Variants in ADAMTSL1 observed in about 807,000 individuals in gnomAD.
ADAMTSL1 encodes ADAMTS-like protein 1.
Under a neutral mutation model 201.8 loss-of-function variants are expected in ADAMTSL1, and 126 were observed. The ratio of observed to expected loss-of-function variants is 0.62; its 90% CI spans 0.54 to 0.72. The LOEUF is 0.72. Among genes scored for constraint, ADAMTSL1 ranks in the 30% least tolerant of loss-of-function variants. The pLI, the probability that ADAMTSL1 is intolerant of heterozygous loss-of-function variation, is 0.00. For synonymous variants in ADAMTSL1, 1,121 were observed against 903.4 expected, an observed-to-expected ratio of 1.24 and a Z score of -4.32; for missense variants, 2,679 against 2,277.8, an observed-to-expected ratio of 1.18 and a Z score of -3.59.
chr9:17,940,039 G>A (rs7029738), intron 1 of ADAMTSL1, among the ~76,000 whole-genome samples: 32,547 of 151,878 alleles, frequency 0.21, 3,651 homozygotes, highest in Middle Eastern at 0.27. Context: ...TGTATTGGGG[G>A]GAGGATGAAA....
chr9:18,261,405 G>A (rs1402316692), intron 2 of ADAMTSL1, among the ~76,000 whole-genome samples: 2 of 152,162 alleles, frequency 1.3e-5, no homozygotes, highest in Non-Finnish European at 2.9e-5. Flanking sequence ...CCATCTGACA[G>A]CTGCATTAGG....
At position 18,908,643 on chromosome 9, in the gene ADAMTSL1, A is replaced by C; in HGVS notation, c.*95A>C. 2 of 1,011,746 alleles carry C rather than the reference A, an allele frequency of 2.0e-6. No individual in the cohort carries two copies. Among genetic ancestry groups the C allele is most frequent in the Middle Eastern group, 4.3e-4 (2 of 4,624 alleles). 62.7% of individuals were successfully genotyped at this position (1,011,746 alleles called of 1,614,324 possible). A position where few individuals can be genotyped will look rare whatever the true frequency, so the allele number is the denominator to read the frequency against. On this transcript the variant is annotated 3_prime_UTR_variant, in exon 29 of 29. Transcript: ENST00000380548. ...TAAGCTTTCTTCATTTTATTTATTT[A>C]TTTCCCCCTCCCCACTCCACACACA...
rs540846535 is a variant in ADAMTSL1, at chr9:18,210,507, A to G, written c.207+46526A>G. ...AATAAATATATATTAATTATATATG[A>G]TATATATTAATAAATATATATATTA... On this transcript the variant is annotated intron_variant, in intron 2 of 29. Coordinates refer to the ADAMTSL1 transcript ENST00000680146. Among the ~76,000 whole-genome samples, 799 of 146,956 alleles carry G rather than the reference A, an allele frequency of 5.4e-3. 13 individuals are homozygous for G. Among genetic ancestry groups the G allele is most frequent in the African/African-American group, 0.018 (746 of 40,654 alleles).
intron 1 of ADAMTSL1, among the ~76,000 whole-genome samples, chr9:17,997,445 G>C (rs1819429704): frequency 6.6e-6 from 1 of 152,044 alleles, no homozygotes; most frequent in Non-Finnish European, 1.5e-5. Flanking sequence ...GAGAACATTT[G>C]TCACTCCTAA....
At chr9:18,018,509 A>C (rs1820350555) in intron 1 of ADAMTSL1, among the ~76,000 whole-genome samples, 1 of 152,102 alleles carries the variant, frequency 6.6e-6, no homozygotes, top group African/African-American at 2.4e-5. Flanking sequence ...TAGATTATAA[A>C]AGGCTGTGGT....
intron 14 of ADAMTSL1, chr9:18,718,644 C>T (rs973911431): frequency 2.8e-5 from 10 of 358,608 alleles, no homozygotes; most frequent in Non-Finnish European, 4.4e-5. Flanking sequence ...CTGCCGCCGC[C>T]GCTCCAGCTG....
chr9:18,200,872 T>C (rs886985452), intron 2 of ADAMTSL1, among the ~76,000 whole-genome samples: 2 of 151,976 alleles, frequency 1.3e-5, no homozygotes, highest in Non-Finnish European at 2.9e-5. Context: ...GAAAAAGTCA[T>C]GATGACCTCT....
At chr9:18,854,237 C>G (rs188414676) in intron 23 of ADAMTSL1, among the ~76,000 whole-genome samples, 1 of 152,030 alleles carries the variant, frequency 6.6e-6, no homozygotes. Context: ...CACATATGCA[C>G]GCACACACAC....
At chr9:18,105,280 A>G (rs1189400268) in intron 1 of ADAMTSL1, among the ~76,000 whole-genome samples, 3 of 152,140 alleles carry the variant, frequency 2.0e-5, no homozygotes, top group African/African-American at 7.2e-5. Context: ...CCTGATTGCT[A>G]TGGATAATCA....
chr9:18,300,621 C>T (rs1029457232), intron 2 of ADAMTSL1, among the ~76,000 whole-genome samples: 4 of 152,088 alleles, frequency 2.6e-5, no homozygotes, highest in Admixed American at 1.3e-4. Context: ...AACAAACAAA[C>T]AACTCCAAGT....
Position 18,089,267 on chromosome 9 carries a change from A to G in ADAMTSL1, c.88-74595A>G, listed in dbSNP as rs1221430270. ...TAAAGAAAAGTGGCACATATATACC[A>G]TGGAATACTCTGCAGCCATAAAAAA... On this transcript the variant is annotated intron_variant, in intron 1 of 29. Coordinates refer to the ADAMTSL1 transcript ENST00000680146. Among the ~76,000 whole-genome samples, 4 of 152,170 alleles carry G rather than the reference A, an allele frequency of 2.6e-5. No individual in the cohort carries two copies. The South Asian group carries it at 6.2e-4, about 24-fold the overall frequency.
chr9:18,531,259 C>G (rs916086661), intron 2 of ADAMTSL1, among the ~76,000 whole-genome samples: 1 of 152,200 alleles, frequency 6.6e-6, no homozygotes, highest in Non-Finnish European at 1.5e-5. Flanking sequence ...ATCCAGATCA[C>G]TCTTGGCAAG....
chr9:18,359,832 C>G (rs892562795), intron 2 of ADAMTSL1, among the ~76,000 whole-genome samples: 1 of 117,510 alleles, frequency 8.5e-6, no homozygotes, highest in African/African-American at 3.2e-5. Flanking sequence ...CACCCGCCCC[C>G]CCGCCCACAC....
chr9:18,325,555 C>T (rs932207509), intron 2 of ADAMTSL1, among the ~76,000 whole-genome samples: 1 of 152,140 alleles, frequency 6.6e-6, no homozygotes, highest in Non-Finnish European at 1.5e-5. Flanking sequence ...TAGCAACATA[C>T]CACAGACTGA....
intron 4 of ADAMTSL1, among the ~76,000 whole-genome samples, chr9:18,597,687 G>A (rs982146503): frequency 1.3e-5 from 2 of 152,066 alleles, no homozygotes; most frequent in African/African-American, 4.8e-5. Context: ...GGGCTAACTG[G>A]CATACTTCCA....
intron 19 of ADAMTSL1, among the ~76,000 whole-genome samples, chr9:18,783,488 C>T (rs1446762363): frequency 6.6e-6 from 1 of 152,184 alleles, no homozygotes. Context: ...TTTGAAGAAG[C>T]ACAGGTTTGC....
At chr9:18,263,610 T>G (rs1418744286) in intron 2 of ADAMTSL1, among the ~76,000 whole-genome samples, 1 of 152,208 alleles carries the variant, frequency 6.6e-6, no homozygotes, top group Non-Finnish European at 1.5e-5. Flanking sequence ...GACTGAAAGT[T>G]TCTGTCCCCT....
chr9:18,103,160 G>A (rs1824605202), intron 1 of ADAMTSL1, among the ~76,000 whole-genome samples: 1 of 152,070 alleles, frequency 6.6e-6, no homozygotes, highest in Non-Finnish European at 1.5e-5. Flanking sequence ...GAGATCTTTG[G>A]TGATATGTAA....
chr9:18,363,819 T>C (rs1338233015), intron 2 of ADAMTSL1, among the ~76,000 whole-genome samples: 1 of 151,842 alleles, frequency 6.6e-6, no homozygotes, highest in East Asian at 1.9e-4. Flanking sequence ...GAGAGGGAAA[T>C]TAAAGGAGGA....
Sources: gnomAD v4.1 joint callset for allele counts (sites outside exome capture counted in the v4.1 genomes callset) on GRCh38, gnomAD v4.1.1 for gene constraint, MANE v1.5 for transcripts, NCBI Gene and HGNC (gene_info 2026-07-23, HGNC 2026-07-21) for gene names.